Variants in DPP10 observed in about 807,000 individuals in gnomAD.
DPP10 encodes the protein inactive dipeptidyl peptidase 10.
In DPP10, 33 loss-of-function variants were observed where a neutral mutation model predicts 120.9. That is an observed-to-expected ratio of 0.27 (90% CI 0.21 to 0.37). The LOEUF is 0.37. DPP10 is among the 10% of genes least tolerant of loss of function. The pLI, the probability that DPP10 is intolerant of heterozygous loss-of-function variation, is 1.00. For missense variants in DPP10, 816 were observed against 942.8 expected, an observed-to-expected ratio of 0.87 and a Z score of 1.76; for synonymous variants, 337 against 326.1, an observed-to-expected ratio of 1.03 and a Z score of -0.36.
chr2:114,477,823 ATATG>A (rs1168408074), intron 1 of DPP10, among the ~76,000 whole-genome samples: 25 of 89,464 alleles, frequency 2.8e-4, no homozygotes, highest in South Asian at 1.5e-3. Context: ...ATGTGTGTAT[ATATG>A]TATGTACATA....
At chr2:115,055,949 CAT>C (rs1290710854) in intron 1 of DPP10, among the ~76,000 whole-genome samples, 2 of 152,096 alleles carry the variant, frequency 1.3e-5, no homozygotes, top group East Asian at 3.9e-4. Flanking sequence ...GCATGTAAAA[CAT>C]ATAGAAATTA....
intron 19 of DPP10, among the ~76,000 whole-genome samples, chr2:115,799,940 G>A (rs1351085888): frequency 6.6e-6 from 1 of 151,864 alleles, no homozygotes; most frequent in Non-Finnish European, 1.5e-5. Context: ...AATCCTTTGG[G>A]TATATACCCA....
chr2:115,543,522 C>T (rs1389424603), intron 5 of DPP10, among the ~76,000 whole-genome samples: 1 of 151,924 alleles, frequency 6.6e-6, no homozygotes, highest in African/African-American at 2.4e-5. Context: ...TTGCTAAATA[C>T]TAGATATTTG....
intron 7 of DPP10, among the ~76,000 whole-genome samples, chr2:115,691,872 C>T (rs1338809733): frequency 1.3e-5 from 2 of 152,002 alleles, no homozygotes; most frequent in African/African-American, 2.4e-5. Flanking sequence ...TAAAAATTTA[C>T]ACTTTATCAT....
chr2:115,184,264 A>G (rs1246851583), intron 1 of DPP10, among the ~76,000 whole-genome samples: 1 of 152,170 alleles, frequency 6.6e-6, no homozygotes, highest in Non-Finnish European at 1.5e-5. Context: ...AGCTATTATT[A>G]TTATTTCTTC....
chr2:115,374,243 C>G (rs2065622393), intron 3 of DPP10, among the ~76,000 whole-genome samples: 2 of 152,160 alleles, frequency 1.3e-5, no homozygotes, highest in African/African-American at 4.8e-5. Flanking sequence ...GGAGTTACTT[C>G]TAAGATACAA....
At chr2:115,791,252 T>C (rs1484096097) in intron 18 of DPP10, 35 bp from the exon 19 acceptor site, 1 of 1,604,108 alleles carries the variant, frequency 6.2e-7, no homozygotes, top group Middle Eastern at 1.7e-4. Context: ...TGCAAATGAC[T>C]CTCCATCTTT....
At chr2:114,761,140 G>C (rs1449751276) in intron 1 of DPP10, among the ~76,000 whole-genome samples, 1 of 152,102 alleles carries the variant, frequency 6.6e-6, no homozygotes, top group Non-Finnish European at 1.5e-5. Flanking sequence ...TTTGTCCTAA[G>C]GTATCTGACT....
intron 4 of DPP10, among the ~76,000 whole-genome samples, chr2:115,505,530 G>T (rs976272991): frequency 1.3e-5 from 2 of 152,108 alleles, no homozygotes; most frequent in Non-Finnish European, 2.9e-5. Flanking sequence ...CGATTGTTTT[G>T]GAATTTGGCT....
At chr2:115,582,489 T>C (rs759440900) in intron 5 of DPP10, among the ~76,000 whole-genome samples, 1 of 152,138 alleles carries the variant, frequency 6.6e-6, no homozygotes, top group Admixed American at 6.5e-5. Flanking sequence ...CAATTATTAT[T>C]TTAGAGCAAG....
chr2:115,262,988 A>G (rs4276031), intron 1 of DPP10, among the ~76,000 whole-genome samples: 120,802 of 152,142 alleles, frequency 0.79, 48,200 homozygotes, highest in East Asian at 0.89. Flanking sequence ...ACATAGTGTG[A>G]CTGGCAGCCT....
At chr2:114,737,675 A>G (rs1345106867) in intron 1 of DPP10, among the ~76,000 whole-genome samples, 1 of 152,170 alleles carries the variant, frequency 6.6e-6, no homozygotes, top group Non-Finnish European at 1.5e-5. Flanking sequence ...AAAGCCCCAG[A>G]GGATGGCACA....
intron 1 of DPP10, among the ~76,000 whole-genome samples, chr2:115,136,665 A>C (rs2050668006): frequency 6.6e-6 from 1 of 152,162 alleles, no homozygotes; most frequent in Non-Finnish European, 1.5e-5. Context: ...GAATAAAAAA[A>C]AAACCATAAA....
At chr2:115,550,728 A>G (rs1473745909) in intron 5 of DPP10, among the ~76,000 whole-genome samples, 5 of 152,152 alleles carry the variant, frequency 3.3e-5, no homozygotes, top group South Asian at 2.1e-4. Flanking sequence ...CAGACTCTCT[A>G]TTGAAATTCT....
intron 1 of DPP10, among the ~76,000 whole-genome samples, chr2:115,166,520 T>C (rs1012110639): frequency 1.4e-5 from 2 of 141,420 alleles, no homozygotes; most frequent in Non-Finnish European, 3.1e-5. Flanking sequence ...AAATTTATAA[T>C]ATAAATATAT....
chr2:114,559,601 C>T (rs570189916), intron 1 of DPP10, among the ~76,000 whole-genome samples: 15 of 152,160 alleles, frequency 9.9e-5, no homozygotes, highest in African/African-American at 3.4e-4. Flanking sequence ...CCTACCCACT[C>T]TAGCTCTCTC....
At chr2:115,761,132 A>G (rs1433535436) in intron 11 of DPP10, among the ~76,000 whole-genome samples, 1 of 150,112 alleles carries the variant, frequency 6.7e-6, no homozygotes, top group Non-Finnish European at 1.5e-5. Flanking sequence ...CAGGCCAGGC[A>G]TAGGTAGCTC....
chr2:115,115,316 G>A (rs986994352), intron 1 of DPP10, among the ~76,000 whole-genome samples: 3 of 152,168 alleles, frequency 2.0e-5, no homozygotes, highest in African/African-American at 7.2e-5. Context: ...GCTTCTGTGT[G>A]TGTTACTCTG....
At chr2:114,715,459 T>C (rs1314525800) in intron 1 of DPP10, among the ~76,000 whole-genome samples, 1 of 152,148 alleles carries the variant, frequency 6.6e-6, no homozygotes, top group Non-Finnish European at 1.5e-5. Context: ...TCCACAGTTG[T>C]TGAAATAACT....
Sources: gnomAD v4.1 joint callset for allele counts (sites outside exome capture counted in the v4.1 genomes callset) on GRCh38, gnomAD v4.1.1 for gene constraint, MANE v1.5 for transcripts, NCBI Gene and HGNC (gene_info 2026-07-23, HGNC 2026-07-21) for gene names.